Variants in CDK1 observed in about 807,000 individuals in gnomAD.
CDK1 encodes the protein cyclin dependent kinase 1, also known as cyclin-dependent kinase 1.
Under a neutral mutation model 34.6 loss-of-function variants are expected in CDK1, and 5 were observed. That is an observed-to-expected ratio of 0.14 (90% CI 0.08 to 0.30). The LOEUF (loss-of-function observed/expected upper bound fraction) is 0.30, where lower values mean the gene tolerates loss of function less well. Among genes scored for constraint, CDK1 ranks in the 10% least tolerant of loss-of-function variants. The probability of loss-of-function intolerance (pLI) is 1.00; values close to 1 mark genes in which losing one functional copy is unlikely to be tolerated. For missense variants in CDK1, 157 were observed against 345.7 expected, an observed-to-expected ratio of 0.45 and a Z score of 4.33; for synonymous variants, 108 against 114.7, an observed-to-expected ratio of 0.94 and a Z score of 0.37.
chr10:60,791,731 ATT>A (rs939570177), intron 5 of CDK1, among the ~76,000 whole-genome samples, 157 bp from the exon 6 acceptor site: 13 of 152,180 alleles, frequency 8.5e-5, no homozygotes, highest in African/African-American at 3.1e-4. Flanking sequence ...GAAATGAAAT[ATT>A]TATCTTCAAT....
At chr10:60,785,608 A>G in intron 3 of CDK1, 56 bp from the exon 4 acceptor site, 1 of 1,086,646 alleles carries the variant, frequency 9.2e-7, no homozygotes, top group Non-Finnish European at 1.3e-6. Flanking sequence ...TTATTTTGTG[A>G]AACAGAGGTC....
chr10:60,791,958 C>T lies in CDK1; in HGVS notation c.558C>T (p.Asp186=). ...LGSARYSTPV[D]IWSIGTIFAE... is the part of the protein sequence containing the mutation. ...CAGCTCGTTACTCAACTCCAGTTGA[C>T]ATTTGGAGTATAGGCACCATATTTG... The change falls in exon 6 of 8, where the codon GAC becomes GAT. Residue 186 remains aspartate, a synonymous_variant. Transcript: ENST00000395284. The T allele has an allele frequency of 6.2e-7, 1 of 1,610,930 alleles. No individual in the cohort carries two copies. The highest frequency in any genetic ancestry group is 8.5e-7 in the Non-Finnish European group (1 of 1,177,300).
At chr10:60,791,337 AT>A (rs1463311260) in intron 5 of CDK1, among the ~76,000 whole-genome samples, 1 of 152,042 alleles carries the variant, frequency 6.6e-6, no homozygotes. Context: ...GAAACTATTA[AT>A]TTTTGTATGC....
chr10:60,790,777 A>C (rs1009116604), intron 5 of CDK1, among the ~76,000 whole-genome samples: 1 of 152,186 alleles, frequency 6.6e-6, no homozygotes, highest in Non-Finnish European at 1.5e-5. Context: ...CATTTATTGA[A>C]GAGATTGGCT....
intron 4 of CDK1, chr10:60,786,986 C>A: frequency 1.0e-6 from 1 of 981,392 alleles, no homozygotes; most frequent in Non-Finnish European, 1.2e-6. Flanking sequence ...CTGTCTTCCA[C>A]ACATACTTTT....
intron 1 of CDK1, 76 bp downstream of exon 1, chr10:60,778,646 C>G (rs897721391): frequency 6.6e-6 from 1 of 152,566 alleles, no homozygotes; most frequent in Non-Finnish European, 1.5e-5. Flanking sequence ...GGAACGGGGT[C>G]CTCTAAGAAG....
intron 7 of CDK1, 59 bp from the exon 8 acceptor site, chr10:60,793,818 A>T (rs2080377897): frequency 4.3e-6 from 4 of 931,402 alleles, no homozygotes; most frequent in Middle Eastern, 2.3e-4. Flanking sequence ...TTTTATGGAG[A>T]TTTTTGTAAA....
intron 2 of CDK1, among the ~76,000 whole-genome samples, chr10:60,783,085 G>C (rs1396015205): frequency 6.6e-6 from 1 of 152,104 alleles, no homozygotes; most frequent in Non-Finnish European, 1.5e-5. Flanking sequence ...CACTTAAACA[G>C]TATGCCAGAT....
chr10:60,792,379 C>T (rs2080366748), intron 7 of CDK1, 90 bp downstream of exon 7: 1 of 1,214,646 alleles, frequency 8.2e-7, no homozygotes, highest in Non-Finnish European at 1.2e-6. Context: ...AGGAAGAACA[C>T]TAACATTTTT....
intron 4 of CDK1, 159 bp downstream of exon 4, chr10:60,785,946 A>C: frequency 8.1e-7 from 1 of 1,237,590 alleles, no homozygotes. Flanking sequence ...TACAGGTTAG[A>C]GATACCCATG....
chr10:60,794,813 A>G lies in CDK1; in HGVS notation c.*838A>G, dbSNP rs989207479. The G allele has an allele frequency of 6.6e-6, 1 of 152,154 alleles. No homozygotes were observed. The highest frequency in any genetic ancestry group is 1.5e-5 in the Non-Finnish European group (1 of 68,008). The allele number at this position is 152,154 out of a possible 1,614,324, so 9.4% of individuals were successfully genotyped here. On this transcript the variant is annotated 3_prime_UTR_variant, in exon 8 of 8. Coordinates refer to ENST00000395284, the MANE Select transcript of CDK1 (RefSeq NM_001786.5). ...AAAAGGCTCTAATGTATATTTAACT[A>G]AAATTACTAGCTTTGGGAATTAAAC...
intron 5 of CDK1, among the ~76,000 whole-genome samples, chr10:60,790,591 T>C (rs949120565): frequency 6.6e-6 from 1 of 152,204 alleles, no homozygotes; most frequent in Non-Finnish European, 1.5e-5. Flanking sequence ...TTTGAGGTCT[T>C]ATCCATATGA....
Position 60,792,085 on chromosome 10 carries a change from A to T in CDK1, c.653+32A>T, listed in dbSNP as rs368587117. 736 of 1,600,406 alleles carry T rather than the reference A, an allele frequency of 4.6e-4. 1 individual carries two copies. The highest frequency in any genetic ancestry group is 5.5e-4 in the Non-Finnish European group (647 of 1,171,598). On this transcript the variant is annotated intron_variant, in intron 6 of 7. Coordinates refer to ENST00000395284, the MANE Select transcript of CDK1 (RefSeq NM_001786.5). ...ATTAAAAACTGAGATAATAAAGGTAACATATATGTAACAATGAGATTACAT... is the reference window on the plus strand; with the variant it reads ...ATTAAAAACTGAGATAATAAAGGTATCATATATGTAACAATGAGATTACAT...
intron 2 of CDK1, among the ~76,000 whole-genome samples, chr10:60,781,580 T>G (rs953971470): frequency 2.6e-5 from 4 of 152,192 alleles, no homozygotes; most frequent in African/African-American, 9.7e-5. Context: ...GAACATTGTA[T>G]TATTACTATG....
chr10:60,782,562 T>A (rs772575417), intron 2 of CDK1, among the ~76,000 whole-genome samples: 4 of 152,188 alleles, frequency 2.6e-5, no homozygotes, highest in Non-Finnish European at 4.4e-5. Context: ...AGGCATTTGA[T>A]AAATACTTGC....
At chr10:60,793,282 G>T (rs1589115357) in intron 7 of CDK1, among the ~76,000 whole-genome samples, 1 of 152,136 alleles carries the variant, frequency 6.6e-6, no homozygotes. Context: ...AAAATCTCTA[G>T]TGTGCTTGTT....
rs376969369 is a variant in CDK1 at position 60,781,061 on chromosome 10, T to C, written c.37+859T>C. Among the ~76,000 whole-genome samples, 63 of 151,022 alleles carry C rather than the reference T, an allele frequency of 4.2e-4. 1 individual carries two copies. The South Asian group carries it at 0.013, about 30-fold the overall frequency. On this transcript the variant is annotated intron_variant, in intron 2 of 7. Transcript: ENST00000395284. ...GTGTGTATACATATATATATATATT[T>C]TTTTTTTAAATCACTTAAATACCTC...
At chr10:60,784,536 G>A (rs564526525) in intron 2 of CDK1, among the ~76,000 whole-genome samples, 169 bp from the exon 3 acceptor site, 1 of 151,944 alleles carries the variant, frequency 6.6e-6, no homozygotes, top group African/African-American at 2.4e-5. Context: ...AGGCTGCCGT[G>A]GGAGGATCCC....
At chr10:60,784,622 C>T in intron 2 of CDK1, 83 bp from the exon 3 acceptor site, 6 of 1,191,196 alleles carry the variant, frequency 5.0e-6, no homozygotes, top group Non-Finnish European at 6.0e-6. Flanking sequence ...AAAACAAGAC[C>T]CTGCCATAAG....
Sources: allele counts gnomAD v4.1 joint callset (sites outside exome capture counted in the v4.1 genomes callset), GRCh38; gene constraint gnomAD v4.1.1; transcripts MANE v1.5; gene names NCBI Gene and HGNC (gene_info 2026-07-23, HGNC 2026-07-21).